The following ACP6 variants were observed in gnomAD, a reference collection of about 807,000 sequenced individuals.
ACP6 encodes the protein acid phosphatase 6, lysophosphatidic, also known as lysophosphatidic acid phosphatase type 6.
In ACP6, 48 loss-of-function variants were observed where a neutral mutation model predicts 48.1. The observed-to-expected ratio is 1.00, with a 90% CI of 0.79 to 1.27. The LOEUF (loss-of-function observed/expected upper bound fraction) is 1.27. Among genes scored for constraint, ACP6 ranks in the 50% most tolerant of loss-of-function variants. ACP6 has a pLI of 0.00. For synonymous variants in ACP6, 172 were observed against 204.2 expected (o/e 0.84, Z 1.34); for missense variants, 485 against 529.1 (o/e 0.92, Z 0.82).
chr1:147,664,884 T>C (rs184515176), intron 1 of ACP6, among the ~76,000 whole-genome samples: 5 of 152,154 alleles, frequency 3.3e-5, no homozygotes, highest in Admixed American at 6.5e-5. Flanking sequence ...AGAAGTTTCA[T>C]TGAGGGAATA....
chr1:147,660,566 A>C (rs1660496659), intron 1 of ACP6, among the ~76,000 whole-genome samples: 1 of 152,158 alleles, frequency 6.6e-6, no homozygotes, highest in South Asian at 2.1e-4. Flanking sequence ...CTATCCCCAC[A>C]CCAAGCCCTG....
rs192629889 is a variant in ACP6 at position 147,669,257 on chromosome 1, T to A, written c.219+573A>T. 4.0e-5 allele frequency among the ~76,000 whole-genome samples: 3 copies of A among 74,286 alleles called. No individual in the cohort carries two copies. The East Asian group carries it at 1.1e-3, about 28-fold the overall frequency. The allele number at this position is 74,286 out of a possible 152,430, so 48.7% of individuals were successfully genotyped here. A position where few individuals can be genotyped will look rare whatever the true frequency, so the allele number is the denominator to read the frequency against. On this transcript the variant is annotated intron_variant, in intron 1 of 9. Coordinates refer to ENST00000583509, the MANE Select transcript of ACP6 (RefSeq NM_016361.5). ...TAAATAGAAAAGGAGAACCCTAGAA[T>A]ACAACACTTGTTACAAAAAAAAACT... is the stretch of plus-strand genomic sequence containing the variant.
intron 5 of ACP6, among the ~76,000 whole-genome samples, chr1:147,636,550 AT>A (rs1343860731): frequency 1.3e-5 from 2 of 152,200 alleles, no homozygotes; most frequent in African/African-American, 2.4e-5. Context: ...AAACATGCTG[AT>A]CCTCAGGTCA....
downstream of ACP6, among the ~76,000 whole-genome samples, chr1:147,641,121 C>T (rs1659437961): frequency 6.6e-6 from 1 of 152,134 alleles, no homozygotes; most frequent in Admixed American, 6.5e-5. Context: ...CGCCCAGCCT[C>T]CTCTGCAGGT....
chr1:147,668,559 A>G (rs587696013), intron 1 of ACP6, among the ~76,000 whole-genome samples: 1 of 152,252 alleles, frequency 6.6e-6, no homozygotes, highest in South Asian at 2.1e-4. Flanking sequence ...CTTCTGTACC[A>G]AGAATAAATA....
intron 6 of ACP6, 162 bp from the exon 7 acceptor site, chr1:147,652,711 C>A: frequency 1.4e-6 from 2 of 1,416,388 alleles, no homozygotes; most frequent in Non-Finnish European, 1.9e-6. Context: ...AGCTATGTCT[C>A]TAAAGCTCTT....
rs1553209886 is a variant in ACP6, at chr1:147,648,308, T to C, written c.1081A>G (p.Met361Val). Reference sequence around the variant, plus strand: ...GATTCCAGGTGCTGGTAAAGTTCCATGGTCAGGTCAACAGCAAACGGTGGC... The same window carrying C: ...GATTCCAGGTGCTGGTAAAGTTCCACGGTCAGGTCAACAGCAAACGGTGGC... Reference protein sequence around the residue: ...KWPPFAVDLTMELYQHLESKE... With the variant: ...KWPPFAVDLTVELYQHLESKE... The change falls in exon 9 of 10, where the codon ATG (methionine) becomes GTG (valine). Residue 361 changes from methionine to valine, a missense_variant. Physicochemically the swap from Met to Val is conservative, Grantham distance 21. Transcript: ENST00000583509. The C allele has an allele frequency of 6.2e-7, 1 of 1,614,162 alleles. No individual in the cohort carries two copies. The highest frequency in any genetic ancestry group is 8.5e-7 in the Non-Finnish European group (1 of 1,180,032).
intron 7 of ACP6, 81 bp downstream of exon 7, chr1:147,652,366 AGT>A: frequency 7.4e-7 from 1 of 1,351,648 alleles, no homozygotes; most frequent in Non-Finnish European, 1.0e-6. Flanking sequence ...GTCAGGTGTG[AGT>A]GGGCCTGATG....
At position 147,636,260 on chromosome 1, in the gene ACP6, AT is replaced by A. The variant is rs376948910; in HGVS notation, c.461-5196del. Among the ~76,000 whole-genome samples, 431 of 151,964 alleles carry A rather than the reference AT, an allele frequency of 2.8e-3. 1 individual carries two copies. Among genetic ancestry groups the A allele is most frequent in the African/African-American group, 0.01 (416 of 41,214 alleles). On this transcript the variant is annotated intron_variant, in intron 5 of 5. Coordinates refer to the ACP6 transcript ENST00000609196. ...TAGGATGGTTAGATAGAAGAAAAATATAAATAAGCAAAGTTTAAGACAACAG... is the reference window on the plus strand; with the variant it reads ...TAGGATGGTTAGATAGAAGAAAAATAAAATAAGCAAAGTTTAAGACAACAG...
In ACP6 at chr1:147,655,245, G is replaced by T; in HGVS notation, c.563C>A (p.Pro188His). 6.2e-7 allele frequency: 1 copy of T among 1,601,648 alleles called. No individual in the cohort carries two copies. The change falls in exon 5 of 10, where the codon CCC becomes CAC. Residue 188 changes from proline to histidine, a missense_variant. Coordinates refer to ENST00000583509, the MANE Select transcript of ACP6 (RefSeq NM_016361.5). ...TGCTTCATCAGTGTGGATGATGATG[G>T]GTCCTGGAAGAAAGGGAGGAAGCAC... ...AGLFQCQKEG[P>H]IIIHTDEADS...
At chr1:147,648,977 C>G (rs1418889295) in intron 8 of ACP6, among the ~76,000 whole-genome samples, 1 of 152,116 alleles carries the variant, frequency 6.6e-6, no homozygotes, top group Non-Finnish European at 1.5e-5. Context: ...ATTTATGGAC[C>G]CCCATCCTAG....
intron 7 of ACP6, chr1:147,651,308 G>A (rs1280212491): frequency 6.6e-6 from 1 of 152,146 alleles, no homozygotes; most frequent in Non-Finnish European, 1.5e-5. Context: ...TGTTTAAAAT[G>A]ATTTACACCA....
At chr1:147,648,860 G>T (rs1659766193) in intron 8 of ACP6, among the ~76,000 whole-genome samples, 2 of 152,158 alleles carry the variant, frequency 1.3e-5, no homozygotes, top group South Asian at 4.1e-4. Context: ...AAGCCCATTT[G>T]GCCCTCAGCA....
At chr1:147,659,574 T>C in intron 2 of ACP6, 48 bp from the exon 3 acceptor site, 1 of 1,613,790 alleles carries the variant, frequency 6.2e-7, no homozygotes. Context: ...CCTGACAGCC[T>C]GCTGAACTCA....
chr1:147,667,680 A>T (rs782387624), intron 1 of ACP6, among the ~76,000 whole-genome samples: 5 of 152,218 alleles, frequency 3.3e-5, no homozygotes, highest in Non-Finnish European at 7.3e-5. Flanking sequence ...AATTAATAGC[A>T]GAACCAAGAA....
exon 6 of ACP6, chr1:147,629,844 TAAAC>T (rs1169674791): frequency 1.3e-5 from 2 of 152,208 alleles, no homozygotes; most frequent in Admixed American, 6.5e-5. Context: ...GGGTTACTGT[TAAAC>T]AGACACGAAT....
chr1:147,643,868 G>T lies in ACP6; in HGVS notation c.*3555C>A. The T allele has an allele frequency of 6.6e-6, 1 of 152,578 alleles. No individual in the cohort carries two copies. The highest frequency in any genetic ancestry group is 2.0e-4 in the South Asian group (1 of 5,084). The allele number at this position is 152,578 out of a possible 1,614,324, so 9.5% of individuals were successfully genotyped here. On this transcript the variant is annotated 3_prime_UTR_variant, in exon 10 of 10. Coordinates refer to ENST00000583509, the MANE Select transcript of ACP6 (RefSeq NM_016361.5). ...CAGTTCTGGAAGCTGAGAAGTCCAA[G>T]ATCAAGGCACCAGAAGGTTAGGGCC...
At chr1:147,631,815 AAACAAC>A (rs113812686) in intron 5 of ACP6, among the ~76,000 whole-genome samples, 2 of 151,538 alleles carry the variant, frequency 1.3e-5, no homozygotes, top group South Asian at 2.1e-4. Context: ...CTCTGTCTTA[AAACAAC>A]AACAACAACA....
At chr1:147,649,790 T>G (rs1553210167) in intron 8 of ACP6, 1 of 286,592 alleles carries the variant, frequency 3.5e-6, no homozygotes, top group African/African-American at 2.3e-5. Flanking sequence ...TTCTTTACAC[T>G]CAATGAAAGT....
Sources: allele counts gnomAD v4.1 joint callset (sites outside exome capture counted in the v4.1 genomes callset), GRCh38; gene constraint gnomAD v4.1.1; transcripts MANE v1.5; gene names NCBI Gene and HGNC (gene_info 2026-07-23, HGNC 2026-07-21).